The following SHANK1 variants were observed in gnomAD, a reference collection of about 807,000 sequenced individuals.
The protein encoded by SHANK1 is SH3 and multiple ankyrin repeat domains protein 1.
In SHANK1, 35 loss-of-function variants were observed where a neutral mutation model predicts 165.6. The observed-to-expected ratio is 0.21, with a 90% CI of 0.16 to 0.28. The LOEUF is 0.28. SHANK1 is among the 10% of genes least tolerant of loss of function. The pLI is 1.00. For missense variants in SHANK1, 2,681 were observed against 3,036.4 expected, an observed-to-expected ratio of 0.88 and a Z score of 2.75; for synonymous variants, 1,428 against 1,384.8, an observed-to-expected ratio of 1.03 and a Z score of -0.69.
chr19:50,690,719 C>T lies in SHANK1; in HGVS notation c.1965-1440G>A, dbSNP rs533429507. 7.2e-5 allele frequency among the ~76,000 whole-genome samples: 11 copies of T among 152,212 alleles called. No individual in the cohort carries two copies. Among genetic ancestry groups the T allele is most frequent in the South Asian group, 6.2e-4 (3 of 4,818 alleles). Reference sequence around the variant, plus strand: ...CGTCCTCGAATACTCCAGTATGTTTCGGCAACCCCCACACATCCCAGTATG... The same window carrying T: ...CGTCCTCGAATACTCCAGTATGTTTTGGCAACCCCCACACATCCCAGTATG... On this transcript the variant is annotated intron_variant, in intron 15 of 23. Coordinates refer to ENST00000293441, the MANE Select transcript of SHANK1 (RefSeq NM_016148.5). The surrounding 1 kb of genome is among the most constrained non-coding windows in gnomAD (Gnocchi z 4.9).
chr19:50,675,796 G>A (rs1985959426), intron 21 of SHANK1, among the ~76,000 whole-genome samples: 1 of 152,168 alleles, frequency 6.6e-6, no homozygotes, highest in African/African-American at 2.4e-5. Context: ...GAGGTCAGGA[G>A]TTTGAGACCA....
rs370722388 is a variant in SHANK1, at chr19:50,681,208, A to G, written c.2577+5029T>C. 5.9e-5 allele frequency among the ~76,000 whole-genome samples: 9 copies of G among 152,192 alleles called. No homozygotes were observed. In the South Asian group the frequency reaches 1.7e-3, roughly 28 times the overall value. On this transcript the variant is annotated intron_variant, in intron 21 of 23. Transcript: ENST00000293441. Reference sequence around the variant, plus strand: ...TGTATTGACTCAGAGAGCGGGAAAGATAAAGATGGCAGGTGGGAAGGAGCA... The same window carrying G: ...TGTATTGACTCAGAGAGCGGGAAAGGTAAAGATGGCAGGTGGGAAGGAGCA...
rs1568428605 is a variant in SHANK1 at position 50,669,134 on chromosome 19, TGAG to T, written c.2823_2825del (p.Ser942del). 1.3e-6 allele frequency: 2 copies of T among 1,528,780 alleles called. No individual in the cohort carries two copies. The highest frequency in any genetic ancestry group is 2.0e-5 in the Admixed American group (1 of 49,142). 94.7% of individuals were successfully genotyped at this position (1,528,780 alleles called of 1,614,324 possible). ...CCCGAGGGGAGGGGGTGAGGCGCCC[TGAG>T]GAGGAGGGGACTGGAGGTGTGCTGT... is the stretch of plus-strand genomic sequence containing the variant. On this transcript the variant is annotated inframe_deletion, in exon 23 of 24. Transcript: ENST00000293441.
In SHANK1 at chr19:50,704,206, G is replaced by T. The variant is rs764181395; in HGVS notation, c.1156-20C>A. On this transcript the variant is annotated intron_variant, in intron 9 of 23. Coordinates refer to ENST00000293441, the MANE Select transcript of SHANK1 (RefSeq NM_016148.5). Reference sequence around the variant, plus strand: ...TGCCACCTGGAGGGAGGGGGTAGAGGCAGGTCGGCCAGGGGGGCCCAGGCA... The same window carrying T: ...TGCCACCTGGAGGGAGGGGGTAGAGTCAGGTCGGCCAGGGGGGCCCAGGCA... The T allele has an allele frequency of 2.7e-5, 44 of 1,613,208 alleles. 1 individual carries two copies. The highest frequency in any genetic ancestry group is 3.3e-4 in the Middle Eastern group (2 of 6,080).
At chr19:50,712,477 G>T (rs1025855571) in intron 6 of SHANK1, among the ~76,000 whole-genome samples, 1 of 152,238 alleles carries the variant, frequency 6.6e-6, no homozygotes, top group Non-Finnish European at 1.5e-5. Context: ...CAAGTGAGAG[G>T]ACAGAGTCTG....
Position 50,713,727 on chromosome 19 carries a change from G to A in SHANK1, c.792+71C>T. The A allele has an allele frequency of 3.8e-6, 6 of 1,582,994 alleles. No individual in the cohort carries two copies. The highest frequency in any genetic ancestry group is 1.3e-5 in the African/African-American group (1 of 74,168). Reference sequence around the variant, plus strand: ...TTTTTAACTGAAACCAAAGAACTGAGGTTTGAGAAAGAACAAAGGGAAAAG... The same window carrying A: ...TTTTTAACTGAAACCAAAGAACTGAAGTTTGAGAAAGAACAAAGGGAAAAG... On this transcript the variant is annotated intron_variant, in intron 6 of 23. Coordinates refer to ENST00000293441, the MANE Select transcript of SHANK1 (RefSeq NM_016148.5). The surrounding 1 kb of genome is among the most constrained non-coding windows in gnomAD (Gnocchi z 6.2).
intron 15 of SHANK1, among the ~76,000 whole-genome samples, chr19:50,689,703 A>G (rs1986482957): frequency 6.6e-6 from 1 of 152,056 alleles, no homozygotes; most frequent in African/African-American, 2.4e-5. Flanking sequence ...CACAGATCCT[A>G]CCTGATGGGG....
At chr19:50,666,117 C>T in intron 23 of SHANK1, 75 bp downstream of exon 23, 1 of 1,402,918 alleles carries the variant, frequency 7.1e-7, no homozygotes, top group African/African-American at 1.5e-5. Flanking sequence ...TTTCTGCCAC[C>T]CTGAGACCCT....
chr19:50,680,010 G>A (rs1986125465), intron 21 of SHANK1, among the ~76,000 whole-genome samples: 1 of 150,150 alleles, frequency 6.7e-6, no homozygotes, highest in Admixed American at 6.6e-5. Flanking sequence ...AGAGACAATG[G>A]CAGAGATGAG....
At chr19:50,677,974 A>G (rs1195244185) in intron 21 of SHANK1, among the ~76,000 whole-genome samples, 1 of 152,162 alleles carries the variant, frequency 6.6e-6, no homozygotes, top group Non-Finnish European at 1.5e-5. Flanking sequence ...GTGGTATCAG[A>G]GAGCAGAACC....
chr19:50,687,268 G>A (rs1318785208), intron 19 of SHANK1, among the ~76,000 whole-genome samples: 1 of 151,794 alleles, frequency 6.6e-6, no homozygotes, highest in Non-Finnish European at 1.5e-5. Flanking sequence ...CTGGTGGAGG[G>A]AGAGATGTTG....
intron 12 of SHANK1, among the ~76,000 whole-genome samples, chr19:50,700,670 G>A (rs775363909): frequency 2.6e-5 from 4 of 152,016 alleles, no homozygotes; most frequent in African/African-American, 4.8e-5. Context: ...AATGGAAGAC[G>A]AGGATATAAA....
intron 12 of SHANK1, among the ~76,000 whole-genome samples, chr19:50,700,458 T>TG (rs1986884807): frequency 1.3e-5 from 2 of 151,726 alleles, no homozygotes; most frequent in Admixed American, 1.3e-4. Flanking sequence ...GAGAGTAGGA[T>TG]GAGGTCCCTG....
At chr19:50,705,012 G>A (rs2088920963) in intron 8 of SHANK1, among the ~76,000 whole-genome samples, 1 of 151,920 alleles carries the variant, frequency 6.6e-6, no homozygotes, top group African/African-American at 2.4e-5. Flanking sequence ...CTGAGATCAA[G>A]CCTGAGTGAC....
chr19:50,687,804 G>A, intron 18 of SHANK1, 119 bp downstream of exon 18: 1 of 1,419,722 alleles, frequency 7.0e-7, no homozygotes, highest in Non-Finnish European at 9.6e-7. Flanking sequence ...CCCCACAAGG[G>A]TCACGGAGAA....
At chr19:50,695,896 G>T (rs760821957) in intron 15 of SHANK1, among the ~76,000 whole-genome samples, 1 of 152,190 alleles carries the variant, frequency 6.6e-6, no homozygotes, top group Non-Finnish European at 1.5e-5. Flanking sequence ...GGCGGCACAC[G>T]CCAGGAGGGG....
intron 18 of SHANK1, 72 bp downstream of exon 18, chr19:50,687,851 A>G: frequency 1.9e-6 from 3 of 1,583,080 alleles, no homozygotes; most frequent in Non-Finnish European, 1.7e-6. Flanking sequence ...GGCAGCAGCA[A>G]CCAGCCCTGG....
chr19:50,659,845 C>A lies in SHANK1; in HGVS notation c.*2120G>T, dbSNP rs1985123954. On this transcript the variant is annotated 3_prime_UTR_variant, in exon 24 of 24. Coordinates refer to ENST00000293441, the MANE Select transcript of SHANK1 (RefSeq NM_016148.5). ...AATGAACGAGCCCTTGATAGACGGG[C>A]GCCGCGCAGGCCCCCTGCGGACTGG... Among the ~76,000 whole-genome samples, 1 of 138,122 alleles carries A rather than the reference C, an allele frequency of 7.2e-6. No homozygotes were observed. Among genetic ancestry groups the A allele is most frequent in the East Asian group, 2.5e-4 (1 of 3,972 alleles). 90.6% of individuals were successfully genotyped at this position (138,122 alleles called of 152,430 possible).
intron 1 of SHANK1, 127 bp downstream of exon 1, chr19:50,719,279 G>T (rs1259897595): frequency 6.6e-6 from 1 of 151,790 alleles, no homozygotes; most frequent in Non-Finnish European, 1.5e-5. Flanking sequence ...CACCTCACCC[G>T]TACCCCCAGC....
Sources: allele counts gnomAD v4.1 joint callset (sites outside exome capture counted in the v4.1 genomes callset), GRCh38; gene constraint gnomAD v4.1.1; non-coding constraint Gnocchi (gnomAD v3.1); transcripts MANE v1.5; gene names NCBI Gene and HGNC (gene_info 2026-07-23, HGNC 2026-07-21).